Variants in LAMA3 observed in about 807,000 individuals in gnomAD.
The protein encoded by LAMA3 is laminin subunit alpha-3.
LAMA3 carries 281 observed loss-of-function variants against 402.0 expected under a neutral mutation model. The ratio of observed to expected loss-of-function variants is 0.70; its 90% CI spans 0.63 to 0.77. The LOEUF (loss-of-function observed/expected upper bound fraction) is 0.77, where lower values mean the gene tolerates loss of function less well. Ranked by LOEUF, LAMA3 falls within the 30% of genes least tolerant of loss-of-function variation. LAMA3 has a pLI of 0.00. For missense variants in LAMA3, 3,840 were observed against 4,215.5 expected, an observed-to-expected ratio of 0.91 and a Z score of 2.47; for synonymous variants, 1,431 against 1,558.4, an observed-to-expected ratio of 0.92 and a Z score of 1.93.
At chr18:23,730,172 A>G (rs191957507) in intron 2 of LAMA3, among the ~76,000 whole-genome samples, 1 of 152,308 alleles carries the variant, frequency 6.6e-6, no homozygotes, top group East Asian at 1.9e-4. Flanking sequence ...TCCACCATGC[A>G]GGTGGACACA....
In LAMA3 at chr18:23,950,175, A is replaced by G; in HGVS notation, c.9642+16A>G. The stretch of plus-strand genomic sequence containing the variant: ...GGCAGGAAAGGTGTGTAGCAGTCTG[A>G]TGCCATGGGGAGGGTCTGTAGAAAC... On this transcript the variant is annotated intron_variant, in intron 72 of 74. Transcript: ENST00000313654. 2 of 1,613,900 alleles carry G rather than the reference A, an allele frequency of 1.2e-6. No homozygotes were observed. Among genetic ancestry groups the G allele is most frequent in the Non-Finnish European group, 1.7e-6 (2 of 1,180,020 alleles).
At chr18:23,938,555 G>A (rs1246025850) in intron 67 of LAMA3, among the ~76,000 whole-genome samples, 1 of 152,038 alleles carries the variant, frequency 6.6e-6, no homozygotes, top group African/African-American at 2.4e-5. Context: ...TTTCTCTCCT[G>A]CTATCTTGGT....
rs1599053154 is a variant in LAMA3, at chr18:23,904,590, T to C, written c.6511T>C (p.Cys2171Arg). The change falls in exon 51 of 75, where the codon TGT (cysteine) becomes CGT (arginine). Residue 2171 changes from cysteine to arginine, a missense_variant. Transcript: ENST00000313654. The part of the protein sequence containing the change: ...RNASGDELVR[C>R]AVDAATAYEN... The stretch of plus-strand genomic sequence containing the variant: ...CGCCAGCGGGGATGAGCTGGTGCGC[T>C]GTGCTGTGGATGCCGCCACCGCCTA... 4 of 1,610,466 alleles carry C rather than the reference T, an allele frequency of 2.5e-6. No individual in the cohort carries two copies. In the East Asian group the frequency reaches 8.9e-5, roughly 36 times the overall value.
At chr18:23,808,163 A>G (rs1364893933) in intron 12 of LAMA3, among the ~76,000 whole-genome samples, 1 of 152,166 alleles carries the variant, frequency 6.6e-6, no homozygotes, top group African/African-American at 2.4e-5. Flanking sequence ...AACACCCAGT[A>G]TCCATGGGGG....
At chr18:23,886,811 T>C (rs1169647294) in intron 41 of LAMA3, among the ~76,000 whole-genome samples, 1 of 152,174 alleles carries the variant, frequency 6.6e-6, no homozygotes, top group East Asian at 1.9e-4. Context: ...GGTGGGACTT[T>C]GGTAGGTCCA....
chr18:23,891,611 C>A (rs923521991), intron 42 of LAMA3, among the ~76,000 whole-genome samples: 1 of 152,178 alleles, frequency 6.6e-6, no homozygotes, highest in Admixed American at 6.5e-5. Flanking sequence ...TGGGCCAATT[C>A]AACCAGACAA....
chr18:23,835,564 C>T (rs570400840), intron 24 of LAMA3, among the ~76,000 whole-genome samples: 16 of 152,122 alleles, frequency 1.1e-4, no homozygotes, highest in South Asian at 2.1e-4. Flanking sequence ...CTTAGAAACA[C>T]AGGACAGCAT....
intron 22 of LAMA3, 63 bp from the exon 23 acceptor site, chr18:23,827,251 T>G: frequency 2.6e-6 from 4 of 1,540,692 alleles, no homozygotes; most frequent in Non-Finnish European, 3.6e-6. Context: ...GGATGTACTT[T>G]GATATTCCGT....
intron 38 of LAMA3, chr18:23,873,163 C>T: frequency 6.2e-7 from 1 of 1,614,238 alleles, no homozygotes; most frequent in Non-Finnish European, 8.5e-7. Context: ...TTTCTTCAGC[C>T]TCCCGGTCAA....
At position 23,837,459 on chromosome 18, in the gene LAMA3, A is replaced by C. The variant is rs1320031681; in HGVS notation, c.3093+370A>C. On this transcript the variant is annotated intron_variant, in intron 25 of 74. Transcript: ENST00000313654. ...ATTTTCTTTTCCATCTTACTATTTT[A>C]TTATCTCTATTAGCTTCTTGGTAAA... is the stretch of plus-strand genomic sequence containing the variant. 2.8e-5 allele frequency: 6 copies of C among 215,678 alleles called. No homozygotes were observed. The South Asian group carries it at 3.3e-4, about 12-fold the overall frequency. The allele number at this position is 215,678 out of a possible 1,614,324, so 13.4% of individuals were successfully genotyped here.
Position 23,914,720 on chromosome 18 carries a change from A to T in LAMA3, c.7504A>T (p.Asn2502Tyr), listed in dbSNP as rs2081554185. 1.2e-6 allele frequency: 2 copies of T among 1,613,554 alleles called. No homozygotes were observed. Among genetic ancestry groups the T allele is most frequent in the African/African-American group, 2.7e-5 (2 of 74,912 alleles). The stretch of plus-strand genomic sequence containing the variant: ...CAGAATTTATCAGTTTGCAAGGCTT[A>T]ATTACACCAAAGGAGCCACATCCAG... ...FQRIYQFARL[N>Y]YTKGATSSKP... is the part of the protein sequence containing the mutation. Residue 2502 changes from asparagine (N) to tyrosine (Y), a missense_variant, in exon 58 of 75, where the codon AAT (asparagine) becomes TAT (tyrosine). Asn to Tyr is a moderately radical substitution (Grantham distance 143, BLOSUM62 -2). Coordinates refer to ENST00000313654, the MANE Select transcript of LAMA3 (RefSeq NM_198129.4).
At chr18:23,898,317 G>T (rs903867574) in intron 44 of LAMA3, 1 of 185,602 alleles carries the variant, frequency 5.4e-6, no homozygotes, top group African/African-American at 2.4e-5. Flanking sequence ...CTGTGGTTCT[G>T]TTGGACGAGA....
chr18:23,846,447 C>A lies in LAMA3; in HGVS notation c.3870C>A (p.Asn1290Lys), dbSNP rs558971129. ...PEGGQCPCQP[N>K]VIGRQCTRCA... ...GTGGGCAGTGCCCATGCCAGCCCAA[C>A]GTCATCGGGCGGCAGTGCACCCGCT... The change falls in exon 31 of 75, where the codon AAC becomes AAA. Residue 1290 changes from asparagine to lysine, a missense_variant. Transcript: ENST00000313654. The A allele has an allele frequency of 9.9e-6, 16 of 1,613,616 alleles. No individual in the cohort carries two copies. In the South Asian group the frequency reaches 1.8e-4, roughly 18 times the overall value.
intron 44 of LAMA3, among the ~76,000 whole-genome samples, chr18:23,896,246 G>A (rs950497609): frequency 3.7e-4 from 57 of 152,284 alleles, no homozygotes; most frequent in African/African-American, 1.3e-3. Flanking sequence ...TGAGGCAGGA[G>A]AATCACTTGA....
chr18:23,932,297 T>A lies in LAMA3; in HGVS notation c.8708+6T>A. 6.2e-7 allele frequency: 1 copy of A among 1,613,688 alleles called. No individual in the cohort carries two copies. Among genetic ancestry groups the A allele is most frequent in the Non-Finnish European group, 8.5e-7 (1 of 1,179,662 alleles). On this transcript the variant is annotated splice_donor_region_variant and intron_variant, in intron 66 of 74. Transcript: ENST00000313654. ...AGCAATGTTTTTGTCCAGAGGTAGG[T>A]GATCCTCTCTTTGTGGGTAACTGAT...
chr18:23,821,446 CA>C (rs377727929), intron 19 of LAMA3, among the ~76,000 whole-genome samples: 13 of 152,276 alleles, frequency 8.5e-5, no homozygotes, highest in African/African-American at 3.1e-4. Flanking sequence ...TCCTTTTAAA[CA>C]AAGAAGTTGG....
chr18:23,937,055 G>C (rs1285946861), intron 67 of LAMA3, among the ~76,000 whole-genome samples: 1 of 152,132 alleles, frequency 6.6e-6, no homozygotes. Flanking sequence ...GCAAGCTACC[G>C]TAATCATCTA....
intron 32 of LAMA3, among the ~76,000 whole-genome samples, chr18:23,850,184 C>T (rs2063911882): frequency 6.6e-6 from 1 of 152,152 alleles, no homozygotes. Context: ...TGCAGTTGTA[C>T]AAATCATCAC....
At chr18:23,928,499 C>G in intron 63 of LAMA3, 126 bp from the exon 64 acceptor site, 1 of 1,020,404 alleles carries the variant, frequency 9.8e-7, no homozygotes, top group Non-Finnish European at 1.5e-6. Context: ...AAAGTAAGCT[C>G]TCTTTCTTTC....
Sources: gnomAD v4.1 joint callset for allele counts (sites outside exome capture counted in the v4.1 genomes callset) on GRCh38, gnomAD v4.1.1 for gene constraint, MANE v1.5 for transcripts, NCBI Gene and HGNC (gene_info 2026-07-23, HGNC 2026-07-21) for gene names.